INAVA: variants seen among roughly 807,000 people sequenced by gnomAD.
INAVA encodes innate immunity activator protein.
A neutral mutation model predicts 55.3 loss-of-function variants in INAVA; 32 were observed. The ratio of observed to expected loss-of-function variants is 0.58; its 90% confidence interval spans 0.44 to 0.78. INAVA has a LOEUF of 0.78. Ranked by LOEUF, INAVA falls within the 30% of genes least tolerant of loss-of-function variation. The pLI is 0.00. For missense variants in INAVA, 756 were observed against 786.4 expected (o/e 0.96, Z 0.46); for synonymous variants, 294 against 329.4 (o/e 0.89, Z 1.16).
At chr1:200,892,713 C>T (rs1344299890), upstream of INAVA, among the ~76,000 whole-genome samples, 1 of 152,112 alleles carries the variant, frequency 6.6e-6, no homozygotes, top group African/African-American at 2.4e-5. Flanking sequence ...CTGGAGTGCC[C>T]ACCTCCCCCA....
rs766622383 is a variant in INAVA, at chr1:200,898,342, C to G, written c.-59C>G. ...TCCAGGCTACCTACACAACCTGGCC[C>G]AGGCTGGTCACGGTGTCCCCCCTCC... On this transcript the variant is annotated 5_prime_UTR_variant, in exon 2 of 10. Coordinates refer to ENST00000413687, the MANE Select transcript of INAVA (RefSeq NM_001142569.3). The G allele has an allele frequency of 6.2e-7, 1 of 1,614,042 alleles. No individual in the cohort carries two copies. The highest frequency in any genetic ancestry group is 2.2e-5 in the East Asian group (1 of 44,892).
chr1:200,911,094 C>G lies in INAVA; in HGVS notation c.960-359C>G, dbSNP rs1699295. Among the ~76,000 whole-genome samples the G allele has an allele frequency of 0.014, 226 of 16,166 alleles. 4 individuals are homozygous for G. In the East Asian group the frequency reaches 0.19, roughly 14 times the overall value. 10.6% of individuals were successfully genotyped at this position (16,166 alleles called of 152,430 possible). A position where few individuals can be genotyped will look rare whatever the true frequency, so the allele number is the denominator to read the frequency against. ...TTAATGTAGTACTTTAAAAAAAGTA[C>G]TTAATGTAGTACTTTAAAAAAGTAC... On this transcript the variant is annotated intron_variant, in intron 8 of 9. Transcript: ENST00000413687.
intron 5 of INAVA, among the ~76,000 whole-genome samples, chr1:200,901,942 A>C: frequency 6.6e-6 from 1 of 151,992 alleles, no homozygotes; most frequent in East Asian, 1.9e-4. Context: ...CTTAGGTGTG[A>C]CTGTTTTCCT....
At chr1:200,899,981 G>T (rs566807341) in intron 3 of INAVA, 123 bp from the exon 4 acceptor site, 5 of 740,952 alleles carry the variant, frequency 6.7e-6, no homozygotes, top group Admixed American at 2.5e-5. Context: ...AGGATGGGAT[G>T]AGGTGGGGTG....
chr1:200,893,249 C>T (rs192249065), upstream of INAVA, among the ~76,000 whole-genome samples: 2 of 152,244 alleles, frequency 1.3e-5, no homozygotes, highest in Admixed American at 6.5e-5. Context: ...ACTGCTAGAC[C>T]CTGCTTAATG....
At chr1:200,893,966 G>T (rs1469134143), upstream of INAVA, among the ~76,000 whole-genome samples, 1 of 152,136 alleles carries the variant, frequency 6.6e-6, no homozygotes, top group East Asian at 1.9e-4. Context: ...GGGGGAAAGG[G>T]AGGTGGTAAG....
chr1:200,899,373 GC>G, intron 2 of INAVA, 99 bp from the exon 3 acceptor site: 1 of 668,382 alleles, frequency 1.5e-6, no homozygotes, highest in Non-Finnish European at 2.4e-6. Context: ...GTGTGTGTGT[GC>G]ATGTGTGTGC....
intron 2 of INAVA, 21 bp from the exon 3 acceptor site, chr1:200,899,452 T>G: frequency 6.2e-7 from 1 of 1,613,502 alleles, no homozygotes; most frequent in Non-Finnish European, 8.5e-7. Context: ...TCCCTGAGCA[T>G]GTGCCCCCCA....
chr1:200,891,973 GC>G (rs1262895606), upstream of INAVA, among the ~76,000 whole-genome samples: 1 of 151,728 alleles, frequency 6.6e-6, no homozygotes, highest in Non-Finnish European at 1.5e-5. Flanking sequence ...TCTCGGGCCA[GC>G]CTGGATGTGG....
intron 5 of INAVA, among the ~76,000 whole-genome samples, chr1:200,904,580 A>G (rs1406770295): frequency 6.6e-6 from 1 of 152,180 alleles, no homozygotes; most frequent in Non-Finnish European, 1.5e-5. Flanking sequence ...CCTTGGGGGA[A>G]GCTCAGCATT....
At chr1:200,896,953 G>A (rs1668365507) in intron 1 of INAVA, among the ~76,000 whole-genome samples, 1 of 152,254 alleles carries the variant, frequency 6.6e-6, no homozygotes, top group Non-Finnish European at 1.5e-5. Context: ...TCAGTGAGGA[G>A]GTGGCTGAGC....
At chr1:200,908,531 T>TGTGGGA (rs1653583611) in intron 6 of INAVA, 199 bp from the exon 7 acceptor site, 1 of 496,550 alleles carries the variant, frequency 2.0e-6, no homozygotes, top group South Asian at 3.6e-5. Flanking sequence ...AGGCATAAAA[T>TGTGGGA]AGGGCTGTGT....
chr1:200,891,597 G>A, upstream of INAVA: 1 of 1,570,058 alleles, frequency 6.4e-7, no homozygotes, highest in Non-Finnish European at 8.6e-7. Flanking sequence ...GCCGCAGGGA[G>A]GCTCGGGGGG....
rs1190168061 is a variant in INAVA, at chr1:200,907,722, G to C, written c.521-112G>C. 23 of 750,434 alleles carry C rather than the reference G, an allele frequency of 3.1e-5. No individual in the cohort carries two copies. The East Asian group carries it at 5.9e-4, about 19-fold the overall frequency. The allele number at this position is 750,434 out of a possible 1,614,324, so 46.5% of individuals were successfully genotyped here. On this transcript the variant is annotated intron_variant, in intron 5 of 9. Coordinates refer to ENST00000413687, the MANE Select transcript of INAVA (RefSeq NM_001142569.3). The stretch of plus-strand genomic sequence containing the variant: ...ACACAGAGGGTATTTCCTCATAACT[G>C]ATGCTGTCCTGGGGGAGTGATCAGG...
chr1:200,905,372 C>T, intron 5 of INAVA, among the ~76,000 whole-genome samples: 1 of 152,060 alleles, frequency 6.6e-6, no homozygotes, highest in East Asian at 1.9e-4. Flanking sequence ...ACAGGGAGAC[C>T]CTGTCTCTAC....
intron 1 of INAVA, among the ~76,000 whole-genome samples, chr1:200,895,471 G>C (rs555448634): frequency 6.6e-6 from 1 of 152,040 alleles, no homozygotes; most frequent in South Asian, 2.1e-4. Flanking sequence ...TTGTTCAGCC[G>C]GGTGGGCTGC....
At chr1:200,892,665 A>G (rs968548), upstream of INAVA, among the ~76,000 whole-genome samples, 138,758 of 152,238 alleles carry the variant, frequency 0.91, 63,324 homozygotes, top group African/African-American at 0.92. Flanking sequence ...CCCCGGCCTG[A>G]CTGGAGTGGG....
upstream of INAVA, chr1:200,894,792 G>C: frequency 1.0e-6 from 1 of 985,594 alleles, no homozygotes. Context: ...AGAGGCCCAG[G>C]AGCTGCCTGC....
upstream of INAVA, among the ~76,000 whole-genome samples, chr1:200,892,579 G>A (rs1278174250): frequency 6.6e-6 from 1 of 152,188 alleles, no homozygotes; most frequent in East Asian, 1.9e-4. Flanking sequence ...GTTTTGCAAG[G>A]AAATACCACT....
Sources: gnomAD v4.1 joint callset for allele counts (sites outside exome capture counted in the v4.1 genomes callset) on GRCh38, gnomAD v4.1.1 for gene constraint, MANE v1.5 for transcripts, NCBI Gene and HGNC (gene_info 2026-07-23, HGNC 2026-07-21) for gene names.